Variants in TIMM17B observed in about 807,000 individuals in gnomAD.
TIMM17B encodes the protein translocase of inner mitochondrial membrane 17B.
In TIMM17B, 10 loss-of-function variants were observed where a neutral mutation model predicts 15.9. That is an observed-to-expected ratio of 0.63 (90% CI 0.39 to 1.06). The LOEUF is 1.06. Ranked by LOEUF, TIMM17B falls within the 50% of genes least tolerant of loss-of-function variation. TIMM17B has a pLI of 0.01. For synonymous variants in TIMM17B, 57 were observed against 57.2 expected (o/e 1.00, Z 0.02); for missense variants, 114 against 152.2 (o/e 0.75, Z 1.32).
intron 2 of TIMM17B, chrX:48,897,420 G>A (rs1048817426): frequency 1.7e-4 from 56 of 334,880 alleles, no homozygotes; most frequent in Non-Finnish European, 6.3e-5. Context: ...GGGATTTCCG[G>A]TCAACACCGT....
At chrX:48,893,500 T>A in exon 7 of TIMM17B, 1 of 351,861 alleles carries the variant, frequency 2.8e-6, no homozygotes. Flanking sequence ...ACAAAGGAGC[T>A]GGGGTGAGAA....
chrX:48,896,151 CAAAA>C (rs61674746), intron 3 of TIMM17B: 3 of 35,030 alleles, frequency 8.6e-5, no homozygotes, highest in South Asian at 2.4e-3. Context: ...GATGCTGTCT[CAAAA>C]AAAAAAAAAA....
In TIMM17B at chrX:48,895,108, A is replaced by G. The variant is rs1227448812; in HGVS notation, c.127-7T>C. 4.2e-6 allele frequency: 5 copies of G among 1,191,295 alleles called. No individual in the cohort carries two copies. Among genetic ancestry groups the G allele is most frequent in the Non-Finnish European group, 4.5e-6 (4 of 884,475 alleles). On this transcript the variant is annotated splice_region_variant and splice_polypyrimidine_tract_variant and intron_variant, in intron 3 of 6. Coordinates refer to ENST00000376582, the Ensembl canonical transcript of TIMM17B. Reference sequence around the variant, plus strand: ...TCAACCGGTGCCGAATTCCCTGGGGAAAGGAAGGAAGGGCGTTAGGGCAGG... The same window carrying G: ...TCAACCGGTGCCGAATTCCCTGGGGGAAGGAAGGAAGGGCGTTAGGGCAGG...
chrX:48,897,617 C>A, intron 2 of TIMM17B, 107 bp downstream of exon 1: 1 of 642,783 alleles, frequency 1.6e-6, no homozygotes, highest in South Asian at 2.4e-5. Flanking sequence ...TAAGAGTCCC[C>A]CGAGTCTGGT....
At chrX:48,895,067 G>T (rs782391885) in exon 4 of TIMM17B, 2 of 1,200,340 alleles carry the variant, frequency 1.7e-6, no homozygotes, top group South Asian at 3.6e-5. Flanking sequence ...GATCCTCACA[G>T]CATTGGCACT....
chrX:48,895,291 T>C (rs2063302108), intron 3 of TIMM17B, 190 bp from the exon 3 acceptor site: 4 of 501,019 alleles, frequency 8.0e-6, no homozygotes, highest in Non-Finnish European at 1.1e-5. Context: ...GGTTGAGAAG[T>C]GCTAATTCAT....
chrX:48,893,556 A>G, exon 7 of TIMM17B: 2 of 396,364 alleles, frequency 5.0e-6, no homozygotes, highest in Non-Finnish European at 8.7e-6. Flanking sequence ...AGAGAGAAAA[A>G]GGGGACCCAT....
intron 3 of TIMM17B, 98 bp downstream of exon 2, chrX:48,896,661 A>C: frequency 8.6e-7 from 1 of 1,157,089 alleles, no homozygotes; most frequent in Non-Finnish European, 1.2e-6. Flanking sequence ...AGAATGAATA[A>C]GTGCACGTGA....
intron 2 of TIMM17B, chrX:48,897,475 TAACAGG>T: frequency 2.4e-6 from 1 of 410,553 alleles, no homozygotes; most frequent in African/African-American, 2.5e-5. Flanking sequence ...CTTTTTTCGT[TAACAGG>T]GCTAGGAGAT....
At chrX:48,897,084 T>C in intron 2 of TIMM17B, 6 of 761,824 alleles carry the variant, frequency 7.9e-6, no homozygotes, top group Non-Finnish European at 1.1e-5. Context: ...CTTCGCCCTG[T>C]CTACCAACCA....
chrX:48,897,804 G>A, exon 2 of TIMM17B: 1 of 1,194,911 alleles, frequency 8.4e-7, no homozygotes, highest in Non-Finnish European at 1.1e-6. Flanking sequence ...GACGCACACC[G>A]GCGTCGGAGC....
exon 7 of TIMM17B, chrX:48,893,618 G>T: frequency 1.5e-6 from 1 of 675,748 alleles, no homozygotes; most frequent in Non-Finnish European, 2.2e-6. Context: ...AGGGAGCAGA[G>T]TAGAAACCCT....
At chrX:48,893,715 T>G in exon 7 of TIMM17B, 2 of 1,138,595 alleles carry the variant, frequency 1.8e-6, no homozygotes, top group Non-Finnish European at 2.3e-6. Context: ...GCTCCCATGG[T>G]GGCAGTGGCT....
At chrX:48,894,721 A>G (rs782617615) in intron 4 of TIMM17B, among the ~76,000 whole-genome samples, 1 of 111,946 alleles carries the variant, frequency 8.9e-6, no homozygotes, top group Admixed American at 9.6e-5. Context: ...AGCACTTAGT[A>G]GTATGTAAAT....
Position 48,894,027 on chromosome X carries a change from CA to C in TIMM17B, c.320-18del. 1.7e-6 allele frequency: 2 copies of C among 1,198,529 alleles called. No homozygotes were observed. Among genetic ancestry groups the C allele is most frequent in the African/African-American group, 3.5e-5 (2 of 57,375 alleles). ...GTGGGCCACCTGGGGGAGTTGGAGG[CA>C]GAGAAACAGAGGTGAGAGCAGGCAG... On this transcript the variant is annotated intron_variant, in intron 5 of 6. Transcript: ENST00000376582.
intron 1 of TIMM17B, 150 bp from the exon 1 acceptor site, chrX:48,897,918 C>T (rs2063332158): frequency 2.2e-6 from 2 of 898,258 alleles, no homozygotes; most frequent in African/African-American, 2.0e-5. Flanking sequence ...TCATTGCCTC[C>T]TGAGCGTAGT....
chrX:48,894,913 C>G (rs974988904), intron 4 of TIMM17B, 125 bp downstream of exon 3: 2 of 564,982 alleles, frequency 3.5e-6, no homozygotes, highest in Non-Finnish European at 6.0e-6. Context: ...GGAAACATCA[C>G]CCCCCTAGAA....
At chrX:48,896,579 G>T in intron 3 of TIMM17B, 180 bp downstream of exon 2, 1 of 972,006 alleles carries the variant, frequency 1.0e-6, no homozygotes, top group Non-Finnish European at 1.4e-6. Context: ...GAAGACAGAG[G>T]CCATGTTTGC....
At chrX:48,896,596 T>C in intron 3 of TIMM17B, 163 bp downstream of exon 2, 1 of 1,053,502 alleles carries the variant, frequency 9.5e-7, no homozygotes, top group Non-Finnish European at 1.2e-6. Context: ...TTGCAATCCC[T>C]ACAAAATCCC....
Sources: allele counts gnomAD v4.1 joint callset (sites outside exome capture counted in the v4.1 genomes callset), GRCh38; gene constraint gnomAD v4.1.1; transcripts MANE v1.5; gene names NCBI Gene and HGNC (gene_info 2026-07-23, HGNC 2026-07-21).